Variants in ADORA2B observed in about 807,000 individuals in gnomAD.
ADORA2B encodes adenosine receptor A2b.
In ADORA2B, 18 loss-of-function variants were observed where a neutral mutation model predicts 20.8. That is an observed-to-expected ratio of 0.87 (90% CI 0.60 to 1.29). The LOEUF is 1.29. Among genes scored for constraint, ADORA2B ranks in the 50% most tolerant of loss-of-function variants. The pLI, the probability that ADORA2B is intolerant of heterozygous loss-of-function variation, is 0.00. For synonymous variants in ADORA2B, 179 were observed against 178.3 expected (o/e 1.00, Z -0.03); for missense variants, 441 against 422.7 (o/e 1.04, Z -0.38).
the ADORA2B span, among the ~76,000 whole-genome samples, chr17:15,861,955 C>A: frequency 6.6e-6 from 1 of 152,194 alleles, no homozygotes; most frequent in African/African-American, 2.4e-5. Context: ...CCCTGCCCAC[C>A]TGCCAGAATG....
chr17:15,899,099 G>A, the ADORA2B span, among the ~76,000 whole-genome samples: 4 of 151,896 alleles, frequency 2.6e-5, no homozygotes, highest in Non-Finnish European at 4.4e-5. Flanking sequence ...GCATGGTGGC[G>A]CACACCTGTA....
At chr17:15,859,005 A>G in the ADORA2B span, among the ~76,000 whole-genome samples, 1 of 152,090 alleles carries the variant, frequency 6.6e-6, no homozygotes, top group African/African-American at 2.4e-5. Context: ...TGATTTTTTT[A>G]AAGACATAGG....
intron 1 of ADORA2B, among the ~76,000 whole-genome samples, chr17:15,955,729 T>TC (rs1002275276): frequency 1.3e-5 from 2 of 150,682 alleles, no homozygotes; most frequent in African/African-American, 2.4e-5. Flanking sequence ...TCTTTTTTTT[T>TC]TTTTTTTGAG....
the ADORA2B span, among the ~76,000 whole-genome samples, chr17:15,925,293 C>T: frequency 2.6e-4 from 39 of 152,114 alleles, no homozygotes; most frequent in African/African-American, 9.4e-4. Flanking sequence ...GCCTCAGCCT[C>T]CCAGAGTGCT....
At position 15,945,563 on chromosome 17, in the gene ADORA2B, G is replaced by A. The variant is rs1435762078; in HGVS notation, c.315G>A (p.Leu105=). The A allele has an allele frequency of 6.4e-7, 1 of 1,565,954 alleles. No individual in the cohort carries two copies. The highest frequency in any genetic ancestry group is 8.6e-7 in the Non-Finnish European group (1 of 1,160,100). ...SLLAVAVDRY[L]AICVPLRYKS... ...TGGCCGTGGCAGTCGACAGATACCT[G>A]GCCATCTGTGTCCCGCTCAGGTGAG... The change falls in exon 1 of 2, where the codon CTG becomes CTA. Residue 105 remains leucine (L), a synonymous_variant. Coordinates refer to ENST00000304222, the MANE Select transcript of ADORA2B (RefSeq NM_000676.4).
the ADORA2B span, among the ~76,000 whole-genome samples, chr17:15,894,263 TAA>T: frequency 6.6e-6 from 1 of 152,078 alleles, no homozygotes; most frequent in Admixed American, 6.5e-5. Flanking sequence ...TTATAACAAG[TAA>T]AGTTATTAAT....
chr17:15,942,512 A>C (rs1316850830), upstream of ADORA2B, among the ~76,000 whole-genome samples: 3 of 152,204 alleles, frequency 2.0e-5, no homozygotes, highest in Non-Finnish European at 4.4e-5. Flanking sequence ...CAATGTAAGA[A>C]TGGCCTAATA....
intron 1 of ADORA2B, chr17:15,974,449 A>C (rs575355086): frequency 1.0e-5 from 5 of 486,088 alleles, no homozygotes; most frequent in Non-Finnish European, 1.1e-5. Flanking sequence ...CTGTGTCACT[A>C]AACAGAAAGG....
intron 1 of ADORA2B, among the ~76,000 whole-genome samples, chr17:15,962,082 C>A (rs958449275): frequency 5.9e-5 from 9 of 152,130 alleles, no homozygotes; most frequent in Non-Finnish European, 1.0e-4. Context: ...GTGGGTGGAT[C>A]ACTTGAGGTC....
chr17:15,938,890 T>C, the ADORA2B span, among the ~76,000 whole-genome samples: 2 of 152,226 alleles, frequency 1.3e-5, no homozygotes, highest in African/African-American at 4.8e-5. Context: ...TCTTCAACTT[T>C]CTTTTTTTTG....
At chr17:15,890,126 C>T in the ADORA2B span, among the ~76,000 whole-genome samples, 1 of 129,382 alleles carries the variant, frequency 7.7e-6, no homozygotes, top group African/African-American at 3.3e-5. Context: ...TTTATGTTCC[C>T]ATCAACCGAT....
the ADORA2B span, among the ~76,000 whole-genome samples, chr17:15,871,939 G>A: frequency 1.3e-5 from 2 of 152,144 alleles, no homozygotes; most frequent in Admixed American, 6.5e-5. Flanking sequence ...TTTTTATTGA[G>A]CCTTAAAAAG....
At chr17:15,931,814 T>A in the ADORA2B span, among the ~76,000 whole-genome samples, 1 of 152,106 alleles carries the variant, frequency 6.6e-6, no homozygotes, top group East Asian at 1.9e-4. Flanking sequence ...TCACTGCAAC[T>A]GCTGCCTCCC....
the ADORA2B span, among the ~76,000 whole-genome samples, chr17:15,868,500 T>C: frequency 1.7e-4 from 23 of 138,754 alleles, 2 homozygotes; most frequent in Middle Eastern, 3.6e-3. Context: ...TGGCCGGGTG[T>C]GGTGGCTCAC....
At chr17:15,879,273 A>G in the ADORA2B span, among the ~76,000 whole-genome samples, 1 of 152,040 alleles carries the variant, frequency 6.6e-6, no homozygotes, top group Non-Finnish European at 1.5e-5. Context: ...CAACATAGCA[A>G]GACCTCCTCT....
chr17:15,864,907 A>G, the ADORA2B span, among the ~76,000 whole-genome samples: 9,274 of 146,904 alleles, frequency 0.063, 909 homozygotes, highest in African/African-American at 0.21. Context: ...TGGGTATGGC[A>G]TCAGTGAGGT....
At chr17:15,925,325 C>T in the ADORA2B span, among the ~76,000 whole-genome samples, 4 of 152,214 alleles carry the variant, frequency 2.6e-5, no homozygotes, top group East Asian at 3.9e-4. Flanking sequence ...CGTGAGCCAC[C>T]GTGCCCAGCC....
chr17:15,885,871 A>G, the ADORA2B span, among the ~76,000 whole-genome samples: 3 of 152,282 alleles, frequency 2.0e-5, no homozygotes, highest in African/African-American at 7.2e-5. Flanking sequence ...CTGAAGTCAC[A>G]CTGAGTTGCT....
the ADORA2B span, among the ~76,000 whole-genome samples, chr17:15,933,203 C>T: frequency 1.3e-5 from 2 of 152,186 alleles, no homozygotes; most frequent in African/African-American, 4.8e-5. Context: ...GATCCGCCCG[C>T]CTCAGCCTCC....
Sources: allele counts gnomAD v4.1 joint callset (sites outside exome capture counted in the v4.1 genomes callset), GRCh38; gene constraint gnomAD v4.1.1; transcripts MANE v1.5; gene names NCBI Gene and HGNC (gene_info 2026-07-23, HGNC 2026-07-21).